RALYL: variants seen among roughly 807,000 people sequenced by gnomAD.
The protein encoded by RALYL is RALY RNA binding protein like, also known as RNA-binding Raly-like protein.
In RALYL, 29 loss-of-function variants were observed where a neutral mutation model predicts 35.1. That is an observed-to-expected ratio of 0.83 (90% CI 0.61 to 1.13). RALYL has a LOEUF of 1.13. Ranked by LOEUF, RALYL falls within the 50% of genes most tolerant of loss-of-function variation. The probability of loss-of-function intolerance (pLI) is 0.00; values close to 1 mark genes in which losing one functional copy is unlikely to be tolerated. For missense variants in RALYL, 359 were observed against 360.4 expected (o/e 1.00, Z 0.03); for synonymous variants, 120 against 127.6 (o/e 0.94, Z 0.40).
At chr8:84,491,025 C>A (rs916950895) in intron 1 of RALYL, among the ~76,000 whole-genome samples, 2 of 151,840 alleles carry the variant, frequency 1.3e-5, no homozygotes, top group African/African-American at 4.8e-5. Flanking sequence ...CATTTATGAT[C>A]AAAACGGGGA....
intron 1 of RALYL, among the ~76,000 whole-genome samples, chr8:84,378,474 A>G (rs1435515417): frequency 1.3e-5 from 2 of 151,954 alleles, no homozygotes; most frequent in Non-Finnish European, 2.9e-5. Context: ...TGAATAAATA[A>G]TATATGTACA....
At chr8:84,272,441 T>A (rs1481861509) in intron 1 of RALYL, among the ~76,000 whole-genome samples, 7 of 152,106 alleles carry the variant, frequency 4.6e-5, no homozygotes, top group Non-Finnish European at 1.0e-4. Context: ...AGGAAAAGCA[T>A]CCATCTGGAG....
intron 1 of RALYL, among the ~76,000 whole-genome samples, chr8:84,324,250 A>G (rs1376571688): frequency 6.6e-6 from 1 of 152,086 alleles, no homozygotes; most frequent in Non-Finnish European, 1.5e-5. Flanking sequence ...TGTTGTATCA[A>G]CCAACTGTTT....
intron 1 of RALYL, among the ~76,000 whole-genome samples, chr8:84,525,802 A>T (rs1326030002): frequency 6.6e-6 from 1 of 152,082 alleles, no homozygotes; most frequent in African/African-American, 2.4e-5. Flanking sequence ...TATCTTTAAA[A>T]GTCCCATTTG....
chr8:84,772,628 A>G (rs112221418), intron 2 of RALYL, among the ~76,000 whole-genome samples: 21 of 152,166 alleles, frequency 1.4e-4, no homozygotes, highest in African/African-American at 5.1e-4. Flanking sequence ...TATTTTATAC[A>G]TATGATTGTT....
chr8:84,331,236 T>C (rs1413536505), intron 1 of RALYL, among the ~76,000 whole-genome samples: 1 of 152,094 alleles, frequency 6.6e-6, no homozygotes, highest in African/African-American at 2.4e-5. Flanking sequence ...ACCATAATAT[T>C]GATCTTTGCA....
rs140389979 is a variant in RALYL at position 84,699,310 on chromosome 8, G to T, written c.257-75269G>T. ...GAGGAAGTATTTTTTATAAGTAAAA[G>T]ATCTCTAGGGAGCATGGTACAGCAA... On this transcript the variant is annotated intron_variant, in intron 2 of 8. Transcript: ENST00000521268. Among the ~76,000 whole-genome samples, 805 of 152,182 alleles carry T rather than the reference G, an allele frequency of 5.3e-3. 5 individuals carry two copies. The highest frequency in any genetic ancestry group is 0.01 in the Admixed American group (156 of 15,262).
intron 1 of RALYL, among the ~76,000 whole-genome samples, chr8:84,279,039 G>T (rs977586725): frequency 6.6e-6 from 1 of 152,192 alleles, no homozygotes; most frequent in African/African-American, 2.4e-5. Flanking sequence ...ATAAAGGAAA[G>T]AGGTTTAATG....
intron 1 of RALYL, among the ~76,000 whole-genome samples, chr8:84,204,956 C>T (rs1817721113): frequency 6.6e-6 from 1 of 152,120 alleles, no homozygotes; most frequent in Admixed American, 6.5e-5. Flanking sequence ...AAACTGGAGG[C>T]TCACTGGGCC....
At chr8:84,435,068 G>T (rs1210923612) in intron 1 of RALYL, among the ~76,000 whole-genome samples, 1 of 152,088 alleles carries the variant, frequency 6.6e-6, no homozygotes, top group Non-Finnish European at 1.5e-5. Context: ...GAATGCATTA[G>T]TCTCTTACAG....
intron 4 of RALYL, among the ~76,000 whole-genome samples, chr8:84,819,697 T>C (rs1475650605): frequency 6.6e-6 from 1 of 152,146 alleles, no homozygotes; most frequent in African/African-American, 2.4e-5. Context: ...AATGTTCTCC[T>C]TGGGGAAAAG....
rs1423218127 is a variant in RALYL at position 84,389,473 on chromosome 8, G to C, written c.-23-139826G>C. ...CATGATATTGATTCTTCCTACCCAT[G>C]AGCATGGAATGTTCTTCCATTTGTT... On this transcript the variant is annotated intron_variant, in intron 1 of 8. Coordinates refer to ENST00000521268, the MANE Select transcript of RALYL (RefSeq NM_173848.7). Among the ~76,000 whole-genome samples the C allele has an allele frequency of 2.6e-5, 4 of 151,948 alleles. No homozygotes were observed. The South Asian group carries it at 6.2e-4, about 24-fold the overall frequency.
chr8:84,297,338 A>G (rs1209916834), intron 1 of RALYL, among the ~76,000 whole-genome samples: 1 of 152,128 alleles, frequency 6.6e-6, no homozygotes, highest in Non-Finnish European at 1.5e-5. Context: ...TAGTTCACTT[A>G]AGATAATGGC....
chr8:84,345,749 A>G (rs910147114), intron 1 of RALYL, among the ~76,000 whole-genome samples: 2 of 152,098 alleles, frequency 1.3e-5, no homozygotes, highest in Non-Finnish European at 2.9e-5. Flanking sequence ...GAAGTCAGGC[A>G]CTATGCTAGA....
intron 2 of RALYL, among the ~76,000 whole-genome samples, chr8:84,731,588 A>G (rs1846187497): frequency 1.3e-5 from 2 of 152,060 alleles, no homozygotes; most frequent in African/African-American, 2.4e-5. Context: ...CTACCTTGCT[A>G]TTGCAAACAT....
chr8:84,690,083 C>A (rs1447052171), intron 2 of RALYL, among the ~76,000 whole-genome samples: 1 of 152,042 alleles, frequency 6.6e-6, no homozygotes, highest in African/African-American at 2.4e-5. Flanking sequence ...CTCCTCTGTT[C>A]ATTGCAGCAT....
intron 2 of RALYL, among the ~76,000 whole-genome samples, chr8:84,578,673 T>C (rs1225021747): frequency 6.6e-6 from 1 of 152,076 alleles, no homozygotes; most frequent in African/African-American, 2.4e-5. Flanking sequence ...CACAGGCACG[T>C]TGTCCTGACA....
intron 6 of RALYL, among the ~76,000 whole-genome samples, chr8:84,864,233 T>A (rs1252121699): frequency 6.6e-6 from 1 of 151,826 alleles, no homozygotes; most frequent in African/African-American, 2.4e-5. Flanking sequence ...GATGCGACAG[T>A]CTTGAAAAAA....
At chr8:84,317,548 C>T (rs1465559666) in intron 1 of RALYL, among the ~76,000 whole-genome samples, 8 of 152,086 alleles carry the variant, frequency 5.3e-5, no homozygotes, top group Admixed American at 3.9e-4. Flanking sequence ...ACTTTTCATC[C>T]GTCAGAATTG....
Sources: allele counts gnomAD v4.1 joint callset (sites outside exome capture counted in the v4.1 genomes callset), GRCh38; gene constraint gnomAD v4.1.1; transcripts MANE v1.5; gene names NCBI Gene and HGNC (gene_info 2026-07-23, HGNC 2026-07-21).